GRID2: variants seen among roughly 807,000 people sequenced by gnomAD.
GRID2 encodes glutamate receptor ionotropic, delta-2.
A neutral mutation model predicts 114.8 loss-of-function variants in GRID2; 33 were observed. The ratio of observed to expected loss-of-function variants is 0.29; its 90% CI spans 0.22 to 0.38. The LOEUF (loss-of-function observed/expected upper bound fraction) is 0.38, where lower values mean the gene tolerates loss of function less well. GRID2 is among the 10% of genes least tolerant of loss of function. The pLI is 1.00. For synonymous variants in GRID2, 505 were observed against 449.9 expected, an observed-to-expected ratio of 1.12 and a Z score of -1.55; for missense variants, 1,184 against 1,257.7, an observed-to-expected ratio of 0.94 and a Z score of 0.89.
intron 1 of GRID2, among the ~76,000 whole-genome samples, chr4:92,484,325 A>G (rs1175943686): frequency 6.6e-6 from 1 of 152,152 alleles, no homozygotes; most frequent in African/African-American, 2.4e-5. Flanking sequence ...TCCCTTGAAG[A>G]AAGTTAGTAA....
chr4:93,573,633 T>C (rs922743699), intron 13 of GRID2, among the ~76,000 whole-genome samples: 1 of 152,186 alleles, frequency 6.6e-6, no homozygotes, highest in Non-Finnish European at 1.5e-5. Flanking sequence ...TGCTGGACTT[T>C]TTAATTCTAT....
chr4:92,554,177 G>A (rs1262451507), intron 1 of GRID2, among the ~76,000 whole-genome samples: 1 of 152,118 alleles, frequency 6.6e-6, no homozygotes, highest in Non-Finnish European at 1.5e-5. Context: ...ATTGCAAAGG[G>A]GCAATTAGAA....
chr4:93,477,593 A>T (rs150192418), intron 11 of GRID2, among the ~76,000 whole-genome samples: 2 of 152,154 alleles, frequency 1.3e-5, no homozygotes, highest in Admixed American at 1.3e-4. Context: ...AGAATCTATA[A>T]AAAAGTAAAC....
At chr4:93,739,296 C>T (rs1331227295) in intron 14 of GRID2, among the ~76,000 whole-genome samples, 2 of 152,140 alleles carry the variant, frequency 1.3e-5, no homozygotes, top group South Asian at 2.1e-4. Context: ...GCTGTATAAA[C>T]AATTTGGGTC....
At chr4:93,213,078 G>A (rs11942405) in intron 5 of GRID2, among the ~76,000 whole-genome samples, 10,182 of 152,080 alleles carry the variant, frequency 0.067, 426 homozygotes, top group East Asian at 0.2. Context: ...TGGCCAGTTT[G>A]GGGGGTTTTG....
intron 2 of GRID2, among the ~76,000 whole-genome samples, chr4:92,658,622 C>A (rs1198006813): frequency 6.6e-6 from 1 of 151,476 alleles, no homozygotes; most frequent in Non-Finnish European, 1.5e-5. Flanking sequence ...ATTATACAAG[C>A]CCACCCAGGT....
intron 14 of GRID2, among the ~76,000 whole-genome samples, chr4:93,696,556 C>A (rs1187450506): frequency 1.3e-5 from 2 of 152,098 alleles, no homozygotes; most frequent in Non-Finnish European, 2.9e-5. Flanking sequence ...AAACTAAAAT[C>A]TTTTTTTGTA....
intron 2 of GRID2, among the ~76,000 whole-genome samples, chr4:92,755,853 T>G (rs2149341980): frequency 6.6e-6 from 1 of 152,304 alleles, no homozygotes; most frequent in African/African-American, 2.4e-5. Context: ...TACATAAAAT[T>G]TGTTCATATC....
chr4:92,509,246 A>G (rs1388434508), intron 1 of GRID2, among the ~76,000 whole-genome samples: 1 of 151,938 alleles, frequency 6.6e-6, no homozygotes, highest in Non-Finnish European at 1.5e-5. Flanking sequence ...CCATTAGTTT[A>G]CTTGTTTGTA....
intron 4 of GRID2, among the ~76,000 whole-genome samples, chr4:93,191,687 G>A (rs140613418): frequency 6.6e-6 from 1 of 151,934 alleles, no homozygotes; most frequent in East Asian, 1.9e-4. Flanking sequence ...ATCAAGATTT[G>A]TCTAATTCTC....
intron 2 of GRID2, among the ~76,000 whole-genome samples, chr4:92,946,037 A>G (rs775755247): frequency 2.6e-5 from 4 of 152,150 alleles, no homozygotes; most frequent in Non-Finnish European, 5.9e-5. Context: ...TTAATAGCTT[A>G]TAGCTCTTAA....
intron 14 of GRID2, among the ~76,000 whole-genome samples, chr4:93,649,966 C>A (rs1462454057): frequency 2.0e-5 from 3 of 152,056 alleles, no homozygotes; most frequent in African/African-American, 7.2e-5. Context: ...AGTTTCCTCC[C>A]CCAGCTCACC....
At chr4:93,320,722 C>CA (rs1206765051) in intron 8 of GRID2, among the ~76,000 whole-genome samples, 1 of 151,390 alleles carries the variant, frequency 6.6e-6, no homozygotes, top group Non-Finnish European at 1.5e-5. Context: ...TTTTTTACAG[C>CA]AAAAAAATGA....
At chr4:93,710,043 G>T (rs1422665064) in intron 14 of GRID2, among the ~76,000 whole-genome samples, 1 of 152,102 alleles carries the variant, frequency 6.6e-6, no homozygotes, top group Non-Finnish European at 1.5e-5. Context: ...AAGTCACAAA[G>T]CTCTGTCACT....
chr4:93,429,323 A>G (rs1174846433), intron 10 of GRID2, among the ~76,000 whole-genome samples: 1 of 152,212 alleles, frequency 6.6e-6, no homozygotes, highest in Non-Finnish European at 1.5e-5. Flanking sequence ...GAAAACAGGT[A>G]ATGATCAGTA....
At chr4:92,439,553 T>TAG (rs1239396730) in intron 1 of GRID2, among the ~76,000 whole-genome samples, 2 of 151,350 alleles carry the variant, frequency 1.3e-5, no homozygotes, top group Non-Finnish European at 3.0e-5. Flanking sequence ...CGTGGGAACC[T>TAG]AGAGTGGGAG....
chr4:93,528,463 A>G (rs1731141799), intron 13 of GRID2, among the ~76,000 whole-genome samples: 1 of 142,598 alleles, frequency 7.0e-6, no homozygotes. Context: ...TGTTTTTTTG[A>G]TAGTAGCCAT....
chr4:92,404,276 A>T (rs1730927734), intron 1 of GRID2, among the ~76,000 whole-genome samples: 1 of 152,160 alleles, frequency 6.6e-6, no homozygotes, highest in African/African-American at 2.4e-5. Flanking sequence ...AAGAATGAAG[A>T]TAGAGTTAAG....
At chr4:92,394,529 T>C (rs1022249255) in intron 1 of GRID2, among the ~76,000 whole-genome samples, 7 of 152,014 alleles carry the variant, frequency 4.6e-5, no homozygotes. Context: ...CTTATATCAT[T>C]CTCTACTTAT....
Sources: gnomAD v4.1 joint callset for allele counts (sites outside exome capture counted in the v4.1 genomes callset) on GRCh38, gnomAD v4.1.1 for gene constraint, MANE v1.5 for transcripts, NCBI Gene and HGNC (gene_info 2026-07-23, HGNC 2026-07-21) for gene names.